Variants in CEBPZ observed in about 807,000 individuals in gnomAD.
CEBPZ encodes CCAAT/enhancer-binding protein zeta.
Under a neutral mutation model 104.5 loss-of-function variants are expected in CEBPZ, and 78 were observed. The ratio of observed to expected loss-of-function variants is 0.75; its 90% CI spans 0.62 to 0.90. The LOEUF (loss-of-function observed/expected upper bound fraction) is 0.90, where lower values mean the gene tolerates loss of function less well. CEBPZ is among the 40% of genes least tolerant of loss of function. The probability of loss-of-function intolerance (pLI) is 0.00; values close to 1 mark genes in which losing one functional copy is unlikely to be tolerated. For synonymous variants in CEBPZ, 470 were observed against 427.0 expected (o/e 1.10, Z -1.24); for missense variants, 1,439 against 1,233.5 (o/e 1.17, Z -2.50).
At chr2:37,204,797 A>C (rs1677474567) in intron 13 of CEBPZ, 1 of 152,254 alleles carries the variant, frequency 6.6e-6, no homozygotes, top group Non-Finnish European at 1.5e-5. Flanking sequence ...ATCTGCATCC[A>C]AAACTATTAT....
intron 2 of CEBPZ, among the ~76,000 whole-genome samples, chr2:37,225,542 T>C (rs1664866094): frequency 7.4e-6 from 1 of 135,876 alleles, no homozygotes; most frequent in Admixed American, 7.8e-5. Flanking sequence ...AACAGATGCT[T>C]GAAGGCAGCA....
At chr2:37,203,628 G>C (rs1044224375) in intron 13 of CEBPZ, 1 of 152,090 alleles carries the variant, frequency 6.6e-6, no homozygotes. Context: ...GTGTATTAAC[G>C]CATTTTGGTA....
chr2:37,205,915 G>T (rs2148338865), intron 13 of CEBPZ, among the ~76,000 whole-genome samples: 1 of 152,300 alleles, frequency 6.6e-6, no homozygotes, highest in South Asian at 2.1e-4. Flanking sequence ...AAGGAGCATG[G>T]ATTATTGCAA....
rs746036968 is a variant in CEBPZ, at chr2:37,212,021, T to C, written c.2622A>G (p.Thr874=). The change falls in exon 12 of 16, where the codon ACA becomes ACG. Residue 874 remains threonine (T), a synonymous_variant. Transcript: ENST00000234170. ...MDFAGNVKKR[T]KGAKDNTLDE... ...CTAATGTGTTATCCTTAGCTCCTTT[T>C]GTTCTCTTTTTCACGTTTCTGGAAA... 1 of 1,583,644 alleles carries C rather than the reference T, an allele frequency of 6.3e-7. No homozygotes were observed. The highest frequency in any genetic ancestry group is 1.2e-5 in the South Asian group (1 of 85,348).
At chr2:37,227,432 G>A (rs1664914104) in intron 2 of CEBPZ, 112 bp downstream of exon 2, 1 of 1,012,416 alleles carries the variant, frequency 9.9e-7, no homozygotes, top group Non-Finnish European at 1.4e-6. Flanking sequence ...CTGCTGAGGG[G>A]GCCTAAAACC....
At chr2:37,210,124 T>A (rs1047731287) in intron 13 of CEBPZ, 5 of 152,084 alleles carry the variant, frequency 3.3e-5, no homozygotes, top group East Asian at 1.9e-4. Flanking sequence ...ATAAAAAAAA[T>A]TTCAGATGTT....
chr2:37,227,950 T>G lies in CEBPZ; in HGVS notation c.1243A>C (p.Asn415His), dbSNP rs757795918. The change falls in exon 2 of 16, where the codon AAT becomes CAT. Residue 415 changes from asparagine (N) to histidine (H), a missense_variant. Transcript: ENST00000234170. ...TCACCAGACACAACTCCTTTCATAT[T>G]GGGATGTTTACAAAGTAATGTCTCT... ...LLETLLCKHP[N>H]MKGVVSGEVE... 1 of 1,614,194 alleles carries G rather than the reference T, an allele frequency of 6.2e-7. No individual in the cohort carries two copies. The highest frequency in any genetic ancestry group is 8.5e-7 in the Non-Finnish European group (1 of 1,180,022).
intron 1 of CEBPZ, among the ~76,000 whole-genome samples, chr2:37,229,397 C>A (rs1042333250): frequency 1.3e-5 from 2 of 152,084 alleles, no homozygotes; most frequent in African/African-American, 4.8e-5. Context: ...AGGACATGAA[C>A]AGTTCATAGA....
chr2:37,223,579 T>C (rs1664817406), intron 2 of CEBPZ, among the ~76,000 whole-genome samples, 178 bp from the exon 3 acceptor site: 1 of 152,238 alleles, frequency 6.6e-6, no homozygotes, highest in Non-Finnish European at 1.5e-5. Context: ...AAAAGGATGA[T>C]GATGGCACCA....
chr2:37,214,674 A>G (rs956584347), intron 9 of CEBPZ, among the ~76,000 whole-genome samples: 2 of 152,200 alleles, frequency 1.3e-5, no homozygotes, highest in South Asian at 4.1e-4. Context: ...AAACACAGAC[A>G]TATCCTTTGA....
chr2:37,219,781 G>T (rs1043280054), intron 5 of CEBPZ, among the ~76,000 whole-genome samples: 16 of 151,912 alleles, frequency 1.1e-4, no homozygotes, highest in Admixed American at 9.2e-4. Flanking sequence ...CTTTTCAGAG[G>T]TATCTAATAA....
intron 1 of CEBPZ, among the ~76,000 whole-genome samples, chr2:37,230,384 C>T (rs549613134): frequency 1.3e-5 from 2 of 152,212 alleles, no homozygotes; most frequent in South Asian, 2.1e-4. Flanking sequence ...CCTATCAGGG[C>T]AATGGTTATG....
chr2:37,231,189 T>C (rs575993183), intron 1 of CEBPZ: 15 of 709,994 alleles, frequency 2.1e-5, no homozygotes, highest in Non-Finnish European at 3.9e-5. Flanking sequence ...ATCGCCTACA[T>C]CCTAAGAATA....
In CEBPZ at chr2:37,211,050, T is replaced by C; in HGVS notation, c.2833A>G (p.Lys945Glu). 1 of 1,612,346 alleles carries C rather than the reference T, an allele frequency of 6.2e-7. No homozygotes were observed. Among genetic ancestry groups the C allele is most frequent in the Non-Finnish European group, 8.5e-7 (1 of 1,179,532 alleles). The change falls in exon 13 of 16, where the codon AAA becomes GAA. Residue 945 changes from lysine (K) to glutamate (E), a missense_variant. By Grantham distance (56) the Lys-to-Glu change is moderately conservative. Coordinates refer to ENST00000234170, the MANE Select transcript of CEBPZ (RefSeq NM_005760.3). Reference sequence around the variant, plus strand: ...TCATCTGTACCTTTTCTCTTGCTTTTCTTAGTACTGACTTTGGAGTGGACT... The same window carrying C: ...TCATCTGTACCTTTTCTCTTGCTTTCCTTAGTACTGACTTTGGAGTGGACT... ...LEVHSKVSTK[K>E]SKRKGTDDFD...
At chr2:37,222,642 A>T in intron 3 of CEBPZ, 79 bp from the exon 4 acceptor site, 1 of 1,022,164 alleles carries the variant, frequency 9.8e-7, no homozygotes, top group Non-Finnish European at 1.4e-6. Context: ...TATGTGATGC[A>T]GAGTTTTACT....
chr2:37,206,503 G>T (rs578102020), intron 13 of CEBPZ, among the ~76,000 whole-genome samples: 4 of 152,268 alleles, frequency 2.6e-5, no homozygotes, highest in African/African-American at 7.2e-5. Flanking sequence ...GATTATAGGG[G>T]CTTACCAACA....
chr2:37,205,552 A>G (rs1190388815), intron 13 of CEBPZ, among the ~76,000 whole-genome samples: 2 of 152,174 alleles, frequency 1.3e-5, no homozygotes, highest in African/African-American at 4.8e-5. Context: ...TTTCGGACTC[A>G]GCCCGCCTGC....
chr2:37,229,175 C>A, intron 1 of CEBPZ, 139 bp from the exon 2 acceptor site: 1 of 719,684 alleles, frequency 1.4e-6, no homozygotes, highest in Non-Finnish European at 2.0e-6. Flanking sequence ...ACTCAGGGTC[C>A]ACAAAGGAAA....
At chr2:37,212,084 C>T in intron 11 of CEBPZ, 45 bp from the exon 12 acceptor site, 1 of 1,518,182 alleles carries the variant, frequency 6.6e-7, no homozygotes, top group Non-Finnish European at 8.8e-7. Flanking sequence ...GCAGTATTTT[C>T]TAAAGTAGTG....
Sources: gnomAD v4.1 joint callset for allele counts (sites outside exome capture counted in the v4.1 genomes callset) on GRCh38, gnomAD v4.1.1 for gene constraint, MANE v1.5 for transcripts, NCBI Gene and HGNC (gene_info 2026-07-23, HGNC 2026-07-21) for gene names.